The following FAM168A variants were observed in gnomAD, a reference collection of about 807,000 sequenced individuals.
The protein encoded by FAM168A is protein FAM168A.
In FAM168A, 3 loss-of-function variants were observed where a neutral mutation model predicts 28.5. That is an observed-to-expected ratio of 0.11 (90% CI 0.05 to 0.27). The LOEUF is 0.27. FAM168A is among the 10% of genes least tolerant of loss of function. FAM168A has a pLI of 1.00. For missense variants in FAM168A, 222 were observed against 311.5 expected (o/e 0.71, Z 2.16); for synonymous variants, 122 against 124.2 (o/e 0.98, Z 0.12).
chr11:73,477,251 AAGTC>A (rs1867900739), intron 1 of FAM168A, among the ~76,000 whole-genome samples: 2 of 152,096 alleles, frequency 1.3e-5, no homozygotes, highest in Admixed American at 1.3e-4. Flanking sequence ...AGTCAAAAAA[AAGTC>A]AGGTACTATG....
intron 1 of FAM168A, among the ~76,000 whole-genome samples, chr11:73,596,936 G>C (rs1454360930): frequency 6.6e-6 from 1 of 151,996 alleles, no homozygotes; most frequent in East Asian, 1.9e-4. Flanking sequence ...TTTTCTTCAA[G>C]ATACCATCCC....
chr11:73,571,808 T>TC (rs1392900053), intron 1 of FAM168A, among the ~76,000 whole-genome samples: 1 of 146,416 alleles, frequency 6.8e-6, no homozygotes, highest in Non-Finnish European at 1.5e-5. Flanking sequence ...GGAGTGCCTC[T>TC]TCCCGGCCGC....
At chr11:73,457,744 A>G (rs1438185595) in intron 2 of FAM168A, among the ~76,000 whole-genome samples, 3 of 137,306 alleles carry the variant, frequency 2.2e-5, no homozygotes, top group African/African-American at 9.4e-5. Context: ...AAAAAAAAAA[A>G]AAAAAAGAAA....
At chr11:73,573,891 G>A (rs562017071) in intron 1 of FAM168A, among the ~76,000 whole-genome samples, 9 of 152,256 alleles carry the variant, frequency 5.9e-5, no homozygotes, top group East Asian at 1.9e-4. Flanking sequence ...GGAGTTCCAC[G>A]CTGCAGTAAG....
At chr11:73,422,790 G>C (rs1191344363) in intron 3 of FAM168A, among the ~76,000 whole-genome samples, 1 of 98,448 alleles carries the variant, frequency 1.0e-5, no homozygotes, top group East Asian at 2.1e-4. Context: ...AATTAAACGA[G>C]AGAGAGAGAG....
At chr11:73,498,904 G>A (rs1391266403) in intron 1 of FAM168A, among the ~76,000 whole-genome samples, 9 of 152,220 alleles carry the variant, frequency 5.9e-5, no homozygotes, top group Admixed American at 5.9e-4. Flanking sequence ...GGTAGCCATA[G>A]TTTCTTTGGA....
chr11:73,592,968 CATT>C (rs1277367678), intron 1 of FAM168A, among the ~76,000 whole-genome samples: 3 of 151,520 alleles, frequency 2.0e-5, no homozygotes, highest in African/African-American at 7.3e-5. Flanking sequence ...CATGAGCACA[CATT>C]ATTTAATGGT....
At chr11:73,549,975 A>G (rs1232044889) in intron 1 of FAM168A, among the ~76,000 whole-genome samples, 3 of 152,262 alleles carry the variant, frequency 2.0e-5, no homozygotes, top group Non-Finnish European at 4.4e-5. Context: ...TTTTCCAAAT[A>G]TTGGAACAAC....
rs549509642 is a variant in FAM168A at position 73,506,693 on chromosome 11, T to C, written c.-18-38201A>G. On this transcript the variant is annotated intron_variant, in intron 1 of 7. Transcript: ENST00000356467. Reference sequence around the variant, plus strand: ...ATCTTTAACCCTCTATAGCATACTATGTTAATATGATAATGTATAACACAT... The same window carrying C: ...ATCTTTAACCCTCTATAGCATACTACGTTAATATGATAATGTATAACACAT... Among the ~76,000 whole-genome samples the C allele has an allele frequency of 3.3e-5, 5 of 152,312 alleles. No homozygotes were observed. In the South Asian group the frequency reaches 1.0e-3, roughly 32 times the overall value.
At chr11:73,424,565 T>C (rs916588165) in intron 3 of FAM168A, among the ~76,000 whole-genome samples, 2 of 152,056 alleles carry the variant, frequency 1.3e-5, no homozygotes, top group Non-Finnish European at 2.9e-5. Flanking sequence ...GGGAACATAT[T>C]GTATCTAAAG....
chr11:73,434,018 G>A (rs577200413), intron 2 of FAM168A, among the ~76,000 whole-genome samples: 1 of 148,386 alleles, frequency 6.7e-6, no homozygotes, highest in African/African-American at 2.4e-5. Flanking sequence ...GCTAATTTTT[G>A]TATTTTTGGT....
At chr11:73,474,503 A>G (rs992792153) in intron 1 of FAM168A, among the ~76,000 whole-genome samples, 6 of 152,090 alleles carry the variant, frequency 3.9e-5, no homozygotes, top group African/African-American at 1.4e-4. Flanking sequence ...AGCCTGTTAA[A>G]CAGACATTAA....
chr11:73,587,491 C>CA lies in FAM168A; in HGVS notation c.-19+10431dup, dbSNP rs750571231. Among the ~76,000 whole-genome samples the CA allele has an allele frequency of 5.4e-3, 472 of 87,344 alleles. 1 individual carries two copies. The highest frequency in any genetic ancestry group is 9.1e-3 in the Admixed American group (75 of 8,212). The allele number at this position is 87,344 out of a possible 152,430, so 57.3% of individuals were successfully genotyped here. A position where few individuals can be genotyped will look rare whatever the true frequency, so the allele number is the denominator to read the frequency against. On this transcript the variant is annotated intron_variant, in intron 1 of 7. Coordinates refer to ENST00000356467, the MANE Select transcript of FAM168A (RefSeq NM_015159.3). ...GAGGTGACAAAGCGAGACTCCGTCT[C>CA]AAAAAAAAAAAAAAAGGAATCTTCT...
intron 1 of FAM168A, among the ~76,000 whole-genome samples, chr11:73,537,920 T>C (rs1943602602): frequency 6.6e-6 from 1 of 152,174 alleles, no homozygotes; most frequent in Non-Finnish European, 1.5e-5. Context: ...GACTTCCCCA[T>C]GTATACTCCT....
At chr11:73,565,811 A>C (rs2134712294) in intron 1 of FAM168A, among the ~76,000 whole-genome samples, 1 of 152,310 alleles carries the variant, frequency 6.6e-6, no homozygotes, top group East Asian at 1.9e-4. Context: ...GATTTGTTTT[A>C]AAAGCTGCAA....
At chr11:73,577,077 G>A (rs1352234844) in intron 1 of FAM168A, among the ~76,000 whole-genome samples, 3 of 152,144 alleles carry the variant, frequency 2.0e-5, no homozygotes, top group Admixed American at 6.5e-5. Context: ...ACCGCATCAC[G>A]GAATAGAGAA....
chr11:73,414,647 T>G (rs1468435985), intron 4 of FAM168A, among the ~76,000 whole-genome samples: 1 of 152,232 alleles, frequency 6.6e-6, no homozygotes, highest in African/African-American at 2.4e-5. Context: ...ATACATTAAC[T>G]GTTAAGTAAA....
chr11:73,518,464 G>A (rs776800381), intron 1 of FAM168A, among the ~76,000 whole-genome samples: 21 of 151,932 alleles, frequency 1.4e-4, no homozygotes, highest in Non-Finnish European at 2.5e-4. Context: ...CTGATCCCCA[G>A]TGTTGGAGGT....
intron 4 of FAM168A, among the ~76,000 whole-genome samples, chr11:73,413,575 A>G (rs185235611): frequency 5.1e-4 from 78 of 152,354 alleles, no homozygotes; most frequent in African/African-American, 1.9e-3. Context: ...TTACTTATCT[A>G]TAAAATAAAG....
Sources: gnomAD v4.1 joint callset for allele counts (sites outside exome capture counted in the v4.1 genomes callset) on GRCh38, gnomAD v4.1.1 for gene constraint, MANE v1.5 for transcripts, NCBI Gene and HGNC (gene_info 2026-07-23, HGNC 2026-07-21) for gene names.